Variants in SSB observed in about 807,000 individuals in gnomAD.
SSB encodes small RNA binding exonuclease protection factor La, also known as lupus La protein.
SSB carries 17 observed loss-of-function variants against 52.9 expected under a neutral mutation model. That is an observed-to-expected ratio of 0.32 (90% CI 0.22 to 0.48). The LOEUF (loss-of-function observed/expected upper bound fraction) is 0.48. Among genes scored for constraint, SSB ranks in the 20% least tolerant of loss-of-function variants. SSB has a pLI of 0.99. For missense variants in SSB, 314 were observed against 463.6 expected, an observed-to-expected ratio of 0.68 and a Z score of 2.96; for synonymous variants, 111 against 152.1, an observed-to-expected ratio of 0.73 and a Z score of 1.99.
Position 169,811,977 on chromosome 2 carries a change from G to T in SSB, c.*221G>T. 3 of 1,177,590 alleles carry T rather than the reference G, an allele frequency of 2.5e-6. No homozygotes were observed. The highest frequency in any genetic ancestry group is 1.4e-5 in the South Asian group (1 of 69,036). 72.9% of individuals were successfully genotyped at this position (1,177,590 alleles called of 1,614,324 possible). ...CAGATGATTCAAATATCAAAAGGAA[G>T]ATTCTTCCATTAAATTGCCTTTGTA... is the stretch of plus-strand genomic sequence containing the variant. On this transcript the variant is annotated 3_prime_UTR_variant, in exon 12 of 12. Coordinates refer to ENST00000260956, the MANE Select transcript of SSB (RefSeq NM_003142.5).
At chr2:169,805,967 GTTTCT>G in intron 4 of SSB, 128 bp downstream of exon 4, 1 of 1,001,080 alleles carries the variant, frequency 1.0e-6, no homozygotes, top group Non-Finnish European at 1.5e-6. Context: ...CTTAACCTAA[GTTTCT>G]TTTGTTTTGT....
intron 8 of SSB, 65 bp downstream of exon 8, chr2:169,808,967 CTG>C (rs1421789728): frequency 2.2e-6 from 3 of 1,350,812 alleles, no homozygotes; most frequent in Admixed American, 3.4e-5. Context: ...GCTTTTAAGT[CTG>C]AGGACTTTTT....
intron 1 of SSB, 75 bp from the exon 2 acceptor site, chr2:169,800,877 C>A: frequency 1.7e-6 from 2 of 1,150,540 alleles, no homozygotes; most frequent in South Asian, 3.5e-5. Context: ...GATATTAATA[C>A]TTTGTAAACA....
chr2:169,809,036 A>C (rs1558972421), intron 8 of SSB, 134 bp downstream of exon 8: 1 of 748,274 alleles, frequency 1.3e-6, no homozygotes, highest in Non-Finnish European at 2.4e-6. Context: ...GTAATACATC[A>C]GGTATTATAT....
At chr2:169,806,399 T>G (rs1261449530) in intron 4 of SSB, among the ~76,000 whole-genome samples, 2 of 152,260 alleles carry the variant, frequency 1.3e-5, no homozygotes, top group Non-Finnish European at 2.9e-5. Flanking sequence ...TTAGCTGTTC[T>G]TATTTATCAG....
At chr2:169,807,183 G>C (rs1403022522) in intron 6 of SSB, 112 bp downstream of exon 6, 2 of 782,598 alleles carry the variant, frequency 2.6e-6, no homozygotes, top group Non-Finnish European at 4.2e-6. Context: ...AGTATCTTTA[G>C]ATGACCTTTG....
At chr2:169,802,179 G>C (rs1689726822) in intron 2 of SSB, among the ~76,000 whole-genome samples, 1 of 152,254 alleles carries the variant, frequency 6.6e-6, no homozygotes, top group Middle Eastern at 3.4e-3. Context: ...GCGAGACACT[G>C]TTTCAGGGGG....
rs1689789493 is a variant in SSB at position 169,804,687 on chromosome 2, AG to A, written c.67-785del. ...CAGCCCCCTGAGTAGCTGGGACTAC[AG>A]GTGTGTGCCACTATGTGCAGCTAAT... On this transcript the variant is annotated intron_variant, in intron 2 of 11. Transcript: ENST00000260956. Among the ~76,000 whole-genome samples the A allele has an allele frequency of 2.6e-5, 4 of 152,190 alleles. No homozygotes were observed. The South Asian group carries it at 8.3e-4, about 32-fold the overall frequency.
rs540379466 is a variant in SSB at position 169,808,927 on chromosome 2, G to A, written c.669+25G>A. On this transcript the variant is annotated intron_variant, in intron 8 of 11. Coordinates refer to ENST00000260956, the MANE Select transcript of SSB (RefSeq NM_003142.5). Reference sequence around the variant, plus strand: ...GGTAAGTATATATTACTGCTATCTAGTACATCTGTAATTCGAAGTTAAATG... The same window carrying A: ...GGTAAGTATATATTACTGCTATCTAATACATCTGTAATTCGAAGTTAAATG... 7.0e-6 allele frequency: 11 copies of A among 1,570,990 alleles called. No individual in the cohort carries two copies. In the South Asian group the frequency reaches 1.0e-4, roughly 14 times the overall value.
intron 2 of SSB, among the ~76,000 whole-genome samples, chr2:169,802,432 A>C (rs1045869532): frequency 2.0e-5 from 3 of 149,118 alleles, no homozygotes; most frequent in African/African-American, 7.4e-5. Context: ...TTTTTTTTTA[A>C]GCTGCACGTC....
chr2:169,805,923 C>T (rs1689819796), intron 4 of SSB, 84 bp downstream of exon 4: 1 of 1,253,554 alleles, frequency 8.0e-7, no homozygotes, highest in South Asian at 1.3e-5. Context: ...GGAATCACAG[C>T]CTCACTAATT....
At position 169,811,723 on chromosome 2, in the gene SSB, A is replaced by G; in HGVS notation, c.1194A>G (p.Gln398=). 2 of 1,613,528 alleles carry G rather than the reference A, an allele frequency of 1.2e-6. No individual in the cohort carries two copies. The highest frequency in any genetic ancestry group is 1.7e-5 in the Admixed American group (1 of 59,940). Residue 398 remains glutamine (Q), a synonymous_variant, in exon 12 of 12, where the codon CAA becomes CAG. Transcript: ENST00000260956. ...ETDKEEPASK[Q]QKTENGAGDQ ...ACAAAGAAGAACCTGCATCCAAACA[A>G]CAGAAAACAGAAAATGGTGCTGGAG...
intron 6 of SSB, 37 bp downstream of exon 6, chr2:169,807,108 C>T (rs914195389): frequency 2.6e-6 from 4 of 1,539,834 alleles, no homozygotes; most frequent in Non-Finnish European, 3.6e-6. Context: ...TGGCCTTTTA[C>T]TTATATGGAC....
At position 169,810,898 on chromosome 2, in the gene SSB, G is replaced by A. The variant is rs1268198088; in HGVS notation, c.851G>A (p.Gly284Asp). 1.2e-6 allele frequency: 2 copies of A among 1,612,944 alleles called. No individual in the cohort carries two copies. The highest frequency in any genetic ancestry group is 1.3e-5 in the African/African-American group (1 of 74,856). Reference protein sequence around the residue: ...LFKEKAKEALGKAKDANNGNL... With the variant: ...LFKEKAKEALDKAKDANNGNL... Reference sequence around the variant, plus strand: ...AAAGAAAAAGCCAAGGAAGCATTGGGTAAAGCCAAAGATGCAAATAATGGT... The same window carrying A: ...AAAGAAAAAGCCAAGGAAGCATTGGATAAAGCCAAAGATGCAAATAATGGT... Residue 284 changes from glycine to aspartate, a missense_variant, in exon 10 of 12, where the codon GGT becomes GAT. Physicochemically the swap from Gly to Asp is moderately conservative, Grantham distance 94 (BLOSUM62 -1). Transcript: ENST00000260956.
intron 6 of SSB, among the ~76,000 whole-genome samples, chr2:169,807,383 G>T (rs1196971718): frequency 6.6e-6 from 1 of 152,002 alleles, no homozygotes; most frequent in Non-Finnish European, 1.5e-5. Flanking sequence ...CTGCTTCCTG[G>T]GTTCAAGCGA....
intron 9 of SSB, 100 bp from the exon 10 acceptor site, chr2:169,810,758 A>T (rs1302415259): frequency 8.6e-7 from 1 of 1,165,816 alleles, no homozygotes; most frequent in Non-Finnish European, 1.2e-6. Flanking sequence ...TGGTAAAGAC[A>T]TGGAAGGTTT....
chr2:169,808,946 TTAAA>T (rs1198978890), intron 8 of SSB, 44 bp downstream of exon 8: 7 of 1,476,562 alleles, frequency 4.7e-6, no homozygotes, highest in Middle Eastern at 1.7e-4. Flanking sequence ...TAATTCGAAG[TTAAA>T]TGAATAGCTT....
chr2:169,801,364 A>G lies in SSB; in HGVS notation c.66+338A>G, dbSNP rs116744441. On this transcript the variant is annotated intron_variant, in intron 2 of 11. Transcript: ENST00000260956. ...GTAGTTTGGAGGATTAGTGAATATAATGTTAAGTACTTAGAAGAATTCCTG... is the reference window on the plus strand; with the variant it reads ...GTAGTTTGGAGGATTAGTGAATATAGTGTTAAGTACTTAGAAGAATTCCTG... Among the ~76,000 whole-genome samples the G allele has an allele frequency of 9.5e-3, 1,446 of 152,328 alleles. 13 individuals are homozygous for G. Among genetic ancestry groups the G allele is most frequent in the Non-Finnish European group, 0.014 (985 of 68,026 alleles).
chr2:169,805,185 C>A (rs1183732418), intron 2 of SSB, among the ~76,000 whole-genome samples: 1 of 152,062 alleles, frequency 6.6e-6, no homozygotes, highest in Non-Finnish European at 1.5e-5. Context: ...TTTTATTTAA[C>A]CATCTGTTCT....
Sources: gnomAD v4.1 joint callset for allele counts (sites outside exome capture counted in the v4.1 genomes callset) on GRCh38, gnomAD v4.1.1 for gene constraint, MANE v1.5 for transcripts, NCBI Gene and HGNC (gene_info 2026-07-23, HGNC 2026-07-21) for gene names.